The following SBF2 variants were observed in gnomAD, a reference collection of about 807,000 sequenced individuals.
The protein encoded by SBF2 is myotubularin-related protein 13.
A neutral mutation model predicts 225.2 loss-of-function variants in SBF2; 112 were observed. The ratio of observed to expected loss-of-function variants is 0.50; its 90% CI spans 0.43 to 0.58. The LOEUF is 0.58. SBF2 is among the 20% of genes least tolerant of loss of function. The probability of loss-of-function intolerance (pLI) is 0.00; values close to 1 mark genes in which losing one functional copy is unlikely to be tolerated. For synonymous variants in SBF2, 763 were observed against 773.3 expected (o/e 0.99, Z 0.22); for missense variants, 1,996 against 2,206.2 (o/e 0.90, Z 1.91).
intron 14 of SBF2, among the ~76,000 whole-genome samples, chr11:9,967,384 AAAAG>A (rs1296056286): frequency 6.6e-6 from 1 of 152,124 alleles, no homozygotes; most frequent in Admixed American, 6.5e-5. Flanking sequence ...AAAAAAAAAA[AAAAG>A]AAACGAAATG....
intron 29 of SBF2, among the ~76,000 whole-genome samples, chr11:9,814,657 G>C (rs868277581): frequency 1.3e-5 from 2 of 152,130 alleles, no homozygotes; most frequent in South Asian, 4.1e-4. Flanking sequence ...TAATGTTAAG[G>C]CTTCAGATAA....
At chr11:9,983,701 A>C (rs944029483) in intron 13 of SBF2, among the ~76,000 whole-genome samples, 1 of 152,172 alleles carries the variant, frequency 6.6e-6, no homozygotes, top group Admixed American at 6.5e-5. Flanking sequence ...CCTCCACCGG[A>C]ACAGGCACTG....
intron 29 of SBF2, 113 bp downstream of exon 29, chr11:9,816,727 G>A (rs767739388): frequency 7.6e-5 from 73 of 965,718 alleles, no homozygotes; most frequent in Middle Eastern, 5.3e-4. Flanking sequence ...ATTAACTCCA[G>A]GTTAAGAATC....
At chr11:10,067,586 A>G (rs1950674668) in intron 2 of SBF2, among the ~76,000 whole-genome samples, 1 of 152,162 alleles carries the variant, frequency 6.6e-6, no homozygotes, top group East Asian at 1.9e-4. Context: ...TGCCCAGCAT[A>G]GTACTAGAGT....
At chr11:10,058,554 T>C (rs532066702) in intron 2 of SBF2, among the ~76,000 whole-genome samples, 1 of 152,198 alleles carries the variant, frequency 6.6e-6, no homozygotes, top group South Asian at 2.1e-4. Context: ...ATCTCTGAAA[T>C]GGAGGGGGAG....
chr11:10,230,332 T>A (rs1958782360), intron 1 of SBF2, among the ~76,000 whole-genome samples: 1 of 152,232 alleles, frequency 6.6e-6, no homozygotes. Context: ...TATTGTTATG[T>A]GTGAATTTGA....
intron 17 of SBF2, among the ~76,000 whole-genome samples, chr11:9,867,703 C>G (rs777907533): frequency 6.6e-6 from 1 of 152,246 alleles, no homozygotes; most frequent in Non-Finnish European, 1.5e-5. Flanking sequence ...AGAATGAAAT[C>G]CTGTCATTTG....
chr11:10,078,259 T>C (rs1019464983), intron 2 of SBF2, among the ~76,000 whole-genome samples: 3 of 152,178 alleles, frequency 2.0e-5, no homozygotes, highest in African/African-American at 7.2e-5. Context: ...TACCATTTGA[T>C]CCAGTGATCC....
intron 13 of SBF2, among the ~76,000 whole-genome samples, chr11:9,981,173 T>C (rs1378481014): frequency 1.3e-5 from 2 of 152,186 alleles, no homozygotes; most frequent in Non-Finnish European, 2.9e-5. Context: ...AATTAAACAA[T>C]ACCTGTTGTG....
chr11:10,010,935 C>T (rs1948427055), intron 6 of SBF2, among the ~76,000 whole-genome samples: 1 of 152,068 alleles, frequency 6.6e-6, no homozygotes, highest in Non-Finnish European at 1.5e-5. Context: ...TTGTAGTTCT[C>T]CTTGAAGAGG....
At chr11:9,968,628 G>GCTT in intron 13 of SBF2, 83 bp from the exon 14 acceptor site, 1 of 1,086,416 alleles carries the variant, frequency 9.2e-7, no homozygotes, top group Non-Finnish European at 1.4e-6. Flanking sequence ...AGCTTACAGG[G>GCTT]ACACGAGCTG....
chr11:9,897,172 T>C (rs925010214), intron 16 of SBF2, among the ~76,000 whole-genome samples: 5 of 152,090 alleles, frequency 3.3e-5, no homozygotes, highest in Non-Finnish European at 7.4e-5. Context: ...CACACACACA[T>C]AGATGCATAG....
chr11:9,837,612 TCTA>T (rs1425342347), intron 26 of SBF2, among the ~76,000 whole-genome samples: 1 of 152,248 alleles, frequency 6.6e-6, no homozygotes, highest in East Asian at 1.9e-4. Flanking sequence ...GCTTTTAAAG[TCTA>T]CTTTGATATT....
chr11:10,027,889 G>C (rs1949107494), intron 6 of SBF2, among the ~76,000 whole-genome samples: 2 of 152,202 alleles, frequency 1.3e-5, no homozygotes, highest in South Asian at 4.1e-4. Flanking sequence ...GTTCATCTAT[G>C]GAAATGCAAA....
At chr11:10,269,368 G>T (rs1305180101) in intron 1 of SBF2, among the ~76,000 whole-genome samples, 2 of 152,174 alleles carry the variant, frequency 1.3e-5, no homozygotes, top group African/African-American at 4.8e-5. Context: ...AAACACCCAA[G>T]CTCTAACCGG....
chr11:10,028,310 A>G (rs1949122250), intron 6 of SBF2, 142 bp downstream of exon 6: 1 of 639,294 alleles, frequency 1.6e-6, no homozygotes, highest in Non-Finnish European at 2.8e-6. Flanking sequence ...AGGACCCACA[A>G]AATTATATAT....
At chr11:9,926,273 T>C (rs1864037233) in intron 16 of SBF2, among the ~76,000 whole-genome samples, 1 of 152,184 alleles carries the variant, frequency 6.6e-6, no homozygotes, top group African/African-American at 2.4e-5. Context: ...GCAAACCTTT[T>C]TGTCACTGGT....
chr11:9,801,807 C>T (rs139338169), intron 32 of SBF2, among the ~76,000 whole-genome samples: 1 of 152,248 alleles, frequency 6.6e-6, no homozygotes, highest in Non-Finnish European at 1.5e-5. Flanking sequence ...CCATTAGCTA[C>T]AGCTATTTTG....
chr11:9,815,797 C>A (rs1168887182), intron 29 of SBF2, among the ~76,000 whole-genome samples: 3 of 152,190 alleles, frequency 2.0e-5, no homozygotes, highest in African/African-American at 4.8e-5. Context: ...TCAGAAGACA[C>A]ATATGCAGAT....
Sources: allele counts gnomAD v4.1 joint callset (sites outside exome capture counted in the v4.1 genomes callset), GRCh38; gene constraint gnomAD v4.1.1; transcripts MANE v1.5; gene names NCBI Gene and HGNC (gene_info 2026-07-23, HGNC 2026-07-21).